Variants in NCOR2 observed in about 807,000 individuals in gnomAD.
NCOR2 encodes nuclear receptor corepressor 2, also known as CTG repeat protein 26.
Under a neutral mutation model 262.9 loss-of-function variants are expected in NCOR2, and 81 were observed. That is an observed-to-expected ratio of 0.31 (90% CI 0.26 to 0.37). NCOR2 has a LOEUF of 0.37. Ranked by LOEUF, NCOR2 falls within the 10% of genes least tolerant of loss-of-function variation. The probability of loss-of-function intolerance (pLI) is 1.00; values close to 1 mark genes in which losing one functional copy is unlikely to be tolerated. For missense variants in NCOR2, 3,385 were observed against 3,621.4 expected (o/e 0.93, Z 1.68); for synonymous variants, 1,659 against 1,559.3 (o/e 1.06, Z -1.51).
chr12:124,356,932 C>A, intron 22 of NCOR2, 150 bp from the exon 25 acceptor site: 1 of 983,412 alleles, frequency 1.0e-6, no homozygotes, highest in South Asian at 2.5e-5. Context: ...CCCCCCAAGT[C>A]TGCCTGCCTG....
At chr12:124,401,960 A>G (rs1010578035) in intron 14 of NCOR2, among the ~76,000 whole-genome samples, 5 of 152,134 alleles carry the variant, frequency 3.3e-5, no homozygotes, top group African/African-American at 1.2e-4. Flanking sequence ...AAGAACTCAC[A>G]CTGCCATCGA....
At chr12:124,365,296 A>G (rs1399140810) in intron 20 of NCOR2, among the ~76,000 whole-genome samples, 2 of 152,230 alleles carry the variant, frequency 1.3e-5, no homozygotes, top group South Asian at 2.1e-4. Context: ...CACAGTGACG[A>G]CGTCCTATGC....
At chr12:124,508,620 A>G (rs961056693) in intron 1 of NCOR2, among the ~76,000 whole-genome samples, 3 of 152,266 alleles carry the variant, frequency 2.0e-5, no homozygotes, top group African/African-American at 2.4e-5. Context: ...GCCCCCAAAC[A>G]TTCCTGATGT....
In NCOR2 at chr12:124,327,644, G is replaced by C. The variant is rs746563516; in HGVS notation, c.6959-11C>G. The C allele has an allele frequency of 6.3e-6, 10 of 1,588,514 alleles. No homozygotes were observed. The highest frequency in any genetic ancestry group is 1.7e-4 in the Middle Eastern group (1 of 5,864). On this transcript the variant is annotated splice_polypyrimidine_tract_variant and intron_variant, in intron 44 of 46. Coordinates refer to ENST00000405201, the Ensembl canonical transcript of NCOR2. ...TATAGGTCATAAGGCCTGGGAGAGAGAGACAGACAGACAGACAGACACATG... is the reference window on the plus strand; with the variant it reads ...TATAGGTCATAAGGCCTGGGAGAGACAGACAGACAGACAGACAGACACATG...
At chr12:124,393,808 T>C (rs547691811) in intron 16 of NCOR2, among the ~76,000 whole-genome samples, 2 of 152,326 alleles carry the variant, frequency 1.3e-5, no homozygotes, top group South Asian at 4.1e-4. Context: ...CCTAGTCAGG[T>C]TGGTAGAGAT....
At chr12:124,329,187 G>A (rs1435146235) in intron 44 of NCOR2, 2 of 467,424 alleles carry the variant, frequency 4.3e-6, no homozygotes, top group South Asian at 1.5e-5. Context: ...CAGGCTGGGC[G>A]TGACTGCTCA....
intron 13 of NCOR2, among the ~76,000 whole-genome samples, chr12:124,412,735 C>T (rs1185815572): frequency 6.6e-6 from 1 of 152,248 alleles, no homozygotes; most frequent in Admixed American, 6.5e-5. Flanking sequence ...TTCTCAGCAG[C>T]GTCCTAGACC....
intron 1 of NCOR2, among the ~76,000 whole-genome samples, chr12:124,532,928 CT>C (rs2050901985): frequency 8.4e-6 from 1 of 118,854 alleles, no homozygotes. Flanking sequence ...CCCACTCCTC[CT>C]TCCCCTCCTC....
intron 4 of NCOR2, among the ~76,000 whole-genome samples, chr12:124,467,760 C>A: frequency 9.3e-6 from 1 of 107,632 alleles, no homozygotes; most frequent in Non-Finnish European, 2.0e-5. Flanking sequence ...TCATCTTCAT[C>A]ACCCCCATCA....
exon 47 of NCOR2, chr12:124,325,374 A>ACCCCCC (rs2034531199): frequency 9.5e-6 from 3 of 316,854 alleles, no homozygotes; most frequent in Non-Finnish European, 8.8e-6. Flanking sequence ...GGGACCTGAC[A>ACCCCCC]CCGCCCCCCC....
exon 31 of NCOR2, chr12:124,346,711 G>A: frequency 6.4e-7 from 1 of 1,566,790 alleles, no homozygotes; most frequent in Non-Finnish European, 8.6e-7. Flanking sequence ...TCAGCTTCAG[G>A]GGGCCCAGGG....
intron 22 of NCOR2, among the ~76,000 whole-genome samples, chr12:124,360,665 C>A (rs1437848837): frequency 6.6e-6 from 1 of 151,850 alleles, no homozygotes; most frequent in Non-Finnish European, 1.5e-5. Context: ...CCCGCCCACC[C>A]TTCCCTGGCC....
intron 17 of NCOR2, among the ~76,000 whole-genome samples, chr12:124,380,480 G>A (rs533179066): frequency 1.3e-5 from 2 of 152,310 alleles, no homozygotes; most frequent in South Asian, 2.1e-4. Context: ...CTGCAACCCC[G>A]CACACGTCCT....
chr12:124,326,247 C>T (rs777598200), exon 46 of NCOR2: 71 of 1,551,596 alleles, frequency 4.6e-5, no homozygotes, highest in Admixed American at 1.4e-4. Flanking sequence ...CCGGCGGTTG[C>T]AGTCTCCCTC....
upstream of NCOR2, chr12:124,539,645 T>G (rs2051228864): frequency 6.6e-6 from 1 of 152,232 alleles, no homozygotes; most frequent in Non-Finnish European, 1.5e-5. This position sits in a 1 kb window ranked among gnomAD's most constrained non-coding sequence, Gnocchi z 5.1. Flanking sequence ...AAGGCTCCCC[T>G]CTGCCAAGCC....
chr12:124,459,802 G>T (rs2046067926), intron 5 of NCOR2, among the ~76,000 whole-genome samples: 1 of 152,122 alleles, frequency 6.6e-6, no homozygotes, highest in Non-Finnish European at 1.5e-5. Context: ...CTGTCTTCCT[G>T]CCACCCTGAG....
intron 26 of NCOR2, 47 bp downstream of exon 28, chr12:124,354,431 G>T: frequency 7.0e-7 from 1 of 1,436,336 alleles, no homozygotes; most frequent in Non-Finnish European, 9.2e-7. Context: ...TTGGGCACCC[G>T]AGGAACAGGG....
chr12:124,344,927 C>T (rs781253968), exon 32 of NCOR2: 66 of 1,559,368 alleles, frequency 4.2e-5, no homozygotes, highest in Non-Finnish European at 5.2e-5. Flanking sequence ...GTGGACGCGC[C>T]GGTGTCGTAC....
At chr12:124,392,051 C>A (rs1448567162) in intron 16 of NCOR2, among the ~76,000 whole-genome samples, 1 of 152,228 alleles carries the variant, frequency 6.6e-6, no homozygotes, top group Non-Finnish European at 1.5e-5. Context: ...TGCGTGTGTA[C>A]ACACGCGTGT....
Sources: allele counts gnomAD v4.1 joint callset (sites outside exome capture counted in the v4.1 genomes callset), GRCh38; gene constraint gnomAD v4.1.1; non-coding constraint Gnocchi (gnomAD v3.1); transcripts MANE v1.5; gene names NCBI Gene and HGNC (gene_info 2026-07-23, HGNC 2026-07-21).